Variants in SPATS1 observed in about 807,000 individuals in gnomAD.
SPATS1 encodes spermatogenesis-associated serine-rich protein 1.
A neutral mutation model predicts 33.6 loss-of-function variants in SPATS1; 23 were observed. The ratio of observed to expected loss-of-function variants is 0.68; its 90% CI spans 0.49 to 0.97. SPATS1 has a LOEUF of 0.97. SPATS1 is among the 50% of genes least tolerant of loss of function. The pLI is 0.00. For synonymous variants in SPATS1, 131 were observed against 125.6 expected (o/e 1.04, Z -0.29); for missense variants, 327 against 361.0 (o/e 0.91, Z 0.76).
rs1790021709 is a variant in SPATS1, at chr6:44,377,340, T to A, written c.*277T>A. ...TCTCACAATATTACAGTTACCATTT[T>A]GCTGAACTCTTTGAGAGTGAGTGGC... is the stretch of plus-strand genomic sequence containing the variant. On this transcript the variant is annotated 3_prime_UTR_variant, in exon 9 of 9. Transcript: ENST00000674044. 2 of 514,248 alleles carry A rather than the reference T, an allele frequency of 3.9e-6. No individual in the cohort carries two copies. Among genetic ancestry groups the A allele is most frequent in the East Asian group, 7.0e-5 (2 of 28,722 alleles). 31.9% of individuals were successfully genotyped at this position (514,248 alleles called of 1,614,324 possible).
intron 3 of SPATS1, among the ~76,000 whole-genome samples, chr6:44,356,436 A>T (rs1788593779): frequency 6.6e-6 from 1 of 152,228 alleles, no homozygotes. Context: ...AACATTTATT[A>T]TCTCACATTT....
chr6:44,372,457 A>AT (rs141469019), intron 7 of SPATS1, among the ~76,000 whole-genome samples: 6,433 of 150,240 alleles, frequency 0.043, 429 homozygotes, highest in East Asian at 0.25. Flanking sequence ...ATTTTATTTT[A>AT]TTTTTTATTT....
chr6:44,352,423 G>A (rs560420096), intron 2 of SPATS1, among the ~76,000 whole-genome samples: 1 of 152,136 alleles, frequency 6.6e-6, no homozygotes, highest in Admixed American at 6.5e-5. Context: ...TGAGATTACA[G>A]GCATGAGCCA....
At chr6:44,376,084 C>T (rs1160511444) in intron 7 of SPATS1, among the ~76,000 whole-genome samples, 7 of 151,016 alleles carry the variant, frequency 4.6e-5, no homozygotes, top group East Asian at 3.9e-4. Flanking sequence ...CCAGCCTGGG[C>T]GATGGAGTGA....
At chr6:44,347,869 A>G (rs1335124497) in intron 2 of SPATS1, among the ~76,000 whole-genome samples, 1 of 152,178 alleles carries the variant, frequency 6.6e-6, no homozygotes, top group Non-Finnish European at 1.5e-5. Flanking sequence ...ACATTAGACT[A>G]CATTTTATAA....
chr6:44,358,975 A>G (rs562386299), intron 3 of SPATS1, among the ~76,000 whole-genome samples: 1 of 152,198 alleles, frequency 6.6e-6, no homozygotes, highest in African/African-American at 2.4e-5. Flanking sequence ...AAGAAATGGG[A>G]TTTCACTCTG....
intron 2 of SPATS1, among the ~76,000 whole-genome samples, chr6:44,348,014 G>GTT (rs112489598): frequency 2.1e-5 from 3 of 142,838 alleles, no homozygotes; most frequent in African/African-American, 7.7e-5. Flanking sequence ...TATTATTTTT[G>GTT]TTTTTTTTTT....
chr6:44,363,085 C>T (rs1789022895), intron 5 of SPATS1, among the ~76,000 whole-genome samples: 1 of 152,110 alleles, frequency 6.6e-6, no homozygotes, highest in Non-Finnish European at 1.5e-5. Flanking sequence ...GATTCGCCTG[C>T]CTCGGCCTCC....
At chr6:44,349,485 T>C (rs1379332326) in intron 2 of SPATS1, among the ~76,000 whole-genome samples, 1 of 152,140 alleles carries the variant, frequency 6.6e-6, no homozygotes, top group Non-Finnish European at 1.5e-5. Context: ...ATTTTCCTTC[T>C]TTATATATGT....
chr6:44,365,437 A>C (rs1278720355), intron 5 of SPATS1, among the ~76,000 whole-genome samples: 1 of 152,232 alleles, frequency 6.6e-6, no homozygotes, highest in Non-Finnish European at 1.5e-5. Flanking sequence ...CTGCAGCTTA[A>C]GCACTAAAGT....
At chr6:44,372,079 C>G (rs560575244) in intron 7 of SPATS1, among the ~76,000 whole-genome samples, 1 of 151,656 alleles carries the variant, frequency 6.6e-6, no homozygotes, top group South Asian at 2.1e-4. Flanking sequence ...CATGGTGAGA[C>G]CCTGTCTCTA....
rs559314645 is a variant in SPATS1, at chr6:44,364,599, A to T, written c.574+2607A>T. 2.0e-5 allele frequency among the ~76,000 whole-genome samples: 3 copies of T among 152,274 alleles called. No homozygotes were observed. The South Asian group carries it at 6.2e-4, about 32-fold the overall frequency. On this transcript the variant is annotated intron_variant, in intron 5 of 8. Coordinates refer to ENST00000674044, the MANE Select transcript of SPATS1 (RefSeq NM_001372081.1). Reference sequence around the variant, plus strand: ...AGGTGATGTACAGTGACTTCTTTAAACATCAAACGCAATGGTCTTTTTCCA... The same window carrying T: ...AGGTGATGTACAGTGACTTCTTTAATCATCAAACGCAATGGTCTTTTTCCA...
At position 44,348,453 on chromosome 6, in the gene SPATS1, CT is replaced by C. The variant is rs549931034; in HGVS notation, c.140-4263del. 8.1e-3 allele frequency among the ~76,000 whole-genome samples: 1,204 copies of C among 148,916 alleles called. 7 individuals are homozygous for C. Among genetic ancestry groups the C allele is most frequent in the Non-Finnish European group, 0.013 (871 of 67,102 alleles). ...TCTTTTCGGGGGGAGAGGGGTTACT[CT>C]TTTTTTTTTCTTATTTCTTAAATTG... On this transcript the variant is annotated intron_variant, in intron 2 of 8. Transcript: ENST00000674044.
intron 4 of SPATS1, among the ~76,000 whole-genome samples, chr6:44,360,960 A>G (rs1788884329): frequency 6.6e-6 from 1 of 152,190 alleles, no homozygotes; most frequent in Non-Finnish European, 1.5e-5. Context: ...TAAATGGGTT[A>G]GTATACAAAC....
At chr6:44,364,816 T>A (rs1240294053) in intron 5 of SPATS1, among the ~76,000 whole-genome samples, 1 of 151,846 alleles carries the variant, frequency 6.6e-6, no homozygotes, top group African/African-American at 2.4e-5. Flanking sequence ...CTTTTTTTTT[T>A]AGACAGAGTC....
intron 7 of SPATS1, among the ~76,000 whole-genome samples, chr6:44,373,552 C>T (rs139251267): frequency 5.3e-5 from 8 of 152,246 alleles, no homozygotes; most frequent in African/African-American, 1.9e-4. Context: ...TTGTACTGCT[C>T]CATTACTGTC....
Position 44,360,802 on chromosome 6 carries a change from A to G in SPATS1, c.412+232A>G, listed in dbSNP as rs151270205. On this transcript the variant is annotated intron_variant, in intron 4 of 8. Coordinates refer to ENST00000674044, the MANE Select transcript of SPATS1 (RefSeq NM_001372081.1). The stretch of plus-strand genomic sequence containing the variant: ...AAAGACATTAAAATAATATAGAAGT[A>G]TATAGAGTATAAAAACTCCTTCCCC... Among the ~76,000 whole-genome samples, 1,259 of 152,354 alleles carry G rather than the reference A, an allele frequency of 8.3e-3. 7 individuals are homozygous for G. Among genetic ancestry groups the G allele is most frequent in the South Asian group, 0.017 (82 of 4,830 alleles).
intron 5 of SPATS1, among the ~76,000 whole-genome samples, chr6:44,364,441 T>C (rs1366761796): frequency 3.9e-5 from 6 of 152,236 alleles, no homozygotes; most frequent in Non-Finnish European, 8.8e-5. Flanking sequence ...TATCCTGCAG[T>C]ATTCACCATG....
At position 44,343,194 on chromosome 6, in the gene SPATS1, A is replaced by T. The variant is rs765536160; in HGVS notation, c.99A>T (p.Glu33Asp). The change falls in exon 2 of 9, where the codon GAA (glutamate) becomes GAT (aspartate). Residue 33 changes from glutamate (E) to aspartate (D), a missense_variant. By Grantham distance (45) the Glu-to-Asp change is conservative. Transcript: ENST00000674044. ...TCGRQLEKVP[E>D]KRDSGMTEVE... ...GCAGACAGCTGGAGAAGGTTCCAGA[A>T]AAAAGGGACTCTGGCATGACCGAGG... 2 of 1,614,064 alleles carry T rather than the reference A, an allele frequency of 1.2e-6. No individual in the cohort carries two copies. Among genetic ancestry groups the T allele is most frequent in the Non-Finnish European group, 1.7e-6 (2 of 1,179,990 alleles).
Sources: gnomAD v4.1 joint callset for allele counts (sites outside exome capture counted in the v4.1 genomes callset) on GRCh38, gnomAD v4.1.1 for gene constraint, MANE v1.5 for transcripts, NCBI Gene and HGNC (gene_info 2026-07-23, HGNC 2026-07-21) for gene names.